PAPPA2: variants seen among roughly 807,000 people sequenced by gnomAD.
The protein encoded by PAPPA2 is pappalysin-2.
PAPPA2 carries 86 observed loss-of-function variants against 176.4 expected under a neutral mutation model. The observed-to-expected ratio is 0.49, with a 90% CI of 0.41 to 0.58. PAPPA2 has a LOEUF of 0.58. Among genes scored for constraint, PAPPA2 ranks in the 20% least tolerant of loss-of-function variants. The pLI is 0.00. For missense variants in PAPPA2, 2,073 were observed against 2,256.9 expected (o/e 0.92, Z 1.65); for synonymous variants, 809 against 852.2 (o/e 0.95, Z 0.88).
chr1:176,684,080 C>T lies in PAPPA2; in HGVS notation c.2138-6057C>T, dbSNP rs763402406. Reference sequence around the variant, plus strand: ...CGGGCTAAACCATGGATGGAATCGTCTCAGGACCCAGGTGGCAGAGGCTTA... The same window carrying T: ...CGGGCTAAACCATGGATGGAATCGTTTCAGGACCCAGGTGGCAGAGGCTTA... On this transcript the variant is annotated intron_variant, in intron 4 of 22. Coordinates refer to ENST00000367662, the MANE Select transcript of PAPPA2 (RefSeq NM_020318.3). Among the ~76,000 whole-genome samples the T allele has an allele frequency of 2.2e-4, 33 of 152,180 alleles. 1 individual carries two copies. The highest frequency in any genetic ancestry group is 1.0e-4 in the Non-Finnish European group (7 of 68,034).
chr1:176,615,272 CAT>C (rs1304917634), intron 3 of PAPPA2, among the ~76,000 whole-genome samples: 1 of 152,100 alleles, frequency 6.6e-6, no homozygotes, highest in Non-Finnish European at 1.5e-5. Context: ...ACATTAAAGA[CAT>C]GTGCTTTTGT....
intron 3 of PAPPA2, among the ~76,000 whole-genome samples, chr1:176,651,035 A>C (rs1248012516): frequency 6.6e-6 from 1 of 151,722 alleles, no homozygotes. Flanking sequence ...TTTTAACTGT[A>C]TGTTGTCTCA....
intron 13 of PAPPA2, 75 bp downstream of exon 13, chr1:176,739,836 C>A: frequency 6.3e-7 from 1 of 1,583,620 alleles, no homozygotes; most frequent in Non-Finnish European, 8.6e-7. Flanking sequence ...TGATGTCTGT[C>A]TTTTATGTTG....
chr1:176,770,629 C>G (rs1158358537), intron 16 of PAPPA2, among the ~76,000 whole-genome samples: 1 of 152,154 alleles, frequency 6.6e-6, no homozygotes, highest in Non-Finnish European at 1.5e-5. Flanking sequence ...GTGTCATCTA[C>G]TATTATTTTA....
At chr1:176,604,197 C>A (rs1654484796) in intron 3 of PAPPA2, among the ~76,000 whole-genome samples, 2 of 152,184 alleles carry the variant, frequency 1.3e-5, no homozygotes, top group African/African-American at 4.8e-5. Context: ...GGAGACCTCA[C>A]GTAAAATTGT....
At chr1:176,828,583 C>T (rs1666948424) in intron 21 of PAPPA2, among the ~76,000 whole-genome samples, 1 of 151,826 alleles carries the variant, frequency 6.6e-6, no homozygotes. Context: ...CACATCTATG[C>T]ATATGTGTAT....
intron 2 of PAPPA2, among the ~76,000 whole-genome samples, chr1:176,572,906 C>T (rs1652433052): frequency 1.3e-5 from 2 of 152,198 alleles, no homozygotes; most frequent in South Asian, 4.1e-4. Flanking sequence ...TAAATACTTT[C>T]TAAGGGTAGT....
chr1:176,740,271 A>T, intron 14 of PAPPA2, 75 bp downstream of exon 14: 1 of 1,405,492 alleles, frequency 7.1e-7, no homozygotes, highest in South Asian at 1.3e-5. Flanking sequence ...ACATAGTGTT[A>T]TGTATAGAGT....
chr1:176,732,991 C>T (rs1662231978), intron 12 of PAPPA2, among the ~76,000 whole-genome samples: 1 of 152,092 alleles, frequency 6.6e-6, no homozygotes, highest in Admixed American at 6.6e-5. Context: ...ATTAGGTGCT[C>T]ATAGGAGAGC....
intron 12 of PAPPA2, among the ~76,000 whole-genome samples, chr1:176,731,637 A>G (rs1421787646): frequency 6.6e-6 from 1 of 152,000 alleles, no homozygotes; most frequent in Non-Finnish European, 1.5e-5. Flanking sequence ...AGATATATTT[A>G]TATGTGTATA....
At chr1:176,586,182 T>C (rs762429514) in intron 2 of PAPPA2, among the ~76,000 whole-genome samples, 2 of 152,194 alleles carry the variant, frequency 1.3e-5, no homozygotes, top group African/African-American at 2.4e-5. Flanking sequence ...TATTTCTTTT[T>C]TGTGTGTGTT....
chr1:176,562,438 G>A (rs1651730731), intron 2 of PAPPA2, among the ~76,000 whole-genome samples: 1 of 152,214 alleles, frequency 6.6e-6, no homozygotes, highest in Non-Finnish European at 1.5e-5. Flanking sequence ...GACAGGTGAA[G>A]AGACAAATCT....
intron 3 of PAPPA2, among the ~76,000 whole-genome samples, chr1:176,650,992 CTT>C (rs921989822): frequency 6.6e-6 from 1 of 151,584 alleles, no homozygotes; most frequent in Non-Finnish European, 1.5e-5. Context: ...AAAGTGAAAA[CTT>C]TTTAAAAGTT....
At position 176,702,745 on chromosome 1, in the gene PAPPA2, TTGTGTGTGTGTG is replaced by T. The variant is rs763532990; in HGVS notation, c.3365+31_3365+42del. On this transcript the variant is annotated intron_variant, in intron 9 of 22. Coordinates refer to ENST00000367662, the MANE Select transcript of PAPPA2 (RefSeq NM_020318.3). ...ATGGGAAGGTGTCAGAGTGAGTATT[TTGTGTGTGTGTG>T]TGTGTGTGTGTGTGTGTGTGAGAGA... 8.3e-7 allele frequency: 1 copy of T among 1,198,482 alleles called. No homozygotes were observed. The highest frequency in any genetic ancestry group is 1.1e-6 in the Non-Finnish European group (1 of 877,396). 74.2% of individuals were successfully genotyped at this position (1,198,482 alleles called of 1,614,324 possible). A position where few individuals can be genotyped will look rare whatever the true frequency, so the allele number is the denominator to read the frequency against.
Position 176,690,341 on chromosome 1 carries a change from A to C in PAPPA2, c.2342A>C (p.Glu781Ala), listed in dbSNP as rs375429688. ...CADTAPTPKS[E>A]LCREPEPTSD... ...GACACCGCCCCCACTCCCAAGAGTG[A>C]GCTGTGCCGGGAACCAGAGCCCACT... Residue 781 changes from glutamate to alanine, a missense_variant, in exon 5 of 23, where the codon GAG becomes GCG. Around this residue, in one of 4 missense-constraint regions of PAPPA2, gnomAD observed 1,196 missense variants for 1,330.4 expected, o/e 0.90. Transcript: ENST00000367662. The C allele has an allele frequency of 1.2e-6, 2 of 1,614,038 alleles. No individual in the cohort carries two copies. Among genetic ancestry groups the C allele is most frequent in the African/African-American group, 2.7e-5 (2 of 74,922 alleles).
intron 3 of PAPPA2, among the ~76,000 whole-genome samples, chr1:176,626,704 G>A (rs1264670667): frequency 2.0e-5 from 3 of 152,144 alleles, no homozygotes; most frequent in African/African-American, 4.8e-5. Flanking sequence ...GCATTTGAGG[G>A]ATGGGGAAAA....
intron 1 of PAPPA2, among the ~76,000 whole-genome samples, chr1:176,477,280 T>TA (rs1382381898): frequency 6.6e-6 from 1 of 152,134 alleles, no homozygotes; most frequent in Non-Finnish European, 1.5e-5. Context: ...ATATGAGGCT[T>TA]AAATTGTAAA....
chr1:176,805,094 T>C (rs78456681), intron 21 of PAPPA2, among the ~76,000 whole-genome samples: 46 of 117,282 alleles, frequency 3.9e-4, no homozygotes, highest in Admixed American at 9.1e-4. Flanking sequence ...TTCCTTCCTT[T>C]TATTTTTCCT....
chr1:176,684,122 A>C (rs1659721436), intron 4 of PAPPA2, among the ~76,000 whole-genome samples: 1 of 152,182 alleles, frequency 6.6e-6, no homozygotes, highest in South Asian at 2.1e-4. Context: ...CCCACAGCCA[A>C]AAAAGGATTT....
Sources: gnomAD v4.1 joint callset for allele counts (sites outside exome capture counted in the v4.1 genomes callset) on GRCh38, gnomAD v4.1.1 for gene constraint, gnomAD v4.1.1 regional missense constraint, MANE v1.5 for transcripts, NCBI Gene and HGNC (gene_info 2026-07-23, HGNC 2026-07-21) for gene names.